The following LRBA variants were observed in gnomAD, a reference collection of about 807,000 sequenced individuals.
The protein encoded by LRBA is lipopolysaccharide-responsive and beige-like anchor protein.
A neutral mutation model predicts 330.0 loss-of-function variants in LRBA; 176 were observed. The ratio of observed to expected loss-of-function variants is 0.53; its 90% CI spans 0.47 to 0.60. The LOEUF (loss-of-function observed/expected upper bound fraction) is 0.60, where lower values mean the gene tolerates loss of function less well. Ranked by LOEUF, LRBA falls within the 20% of genes least tolerant of loss-of-function variation. The pLI is 0.00. For synonymous variants in LRBA, 1,230 were observed against 1,193.0 expected (o/e 1.03, Z -0.64); for missense variants, 3,259 against 3,444.8 (o/e 0.95, Z 1.35).
intron 40 of LRBA, among the ~76,000 whole-genome samples, chr4:150,519,219 T>C (rs1581563715): frequency 1.3e-5 from 2 of 152,122 alleles, no homozygotes; most frequent in African/African-American, 4.8e-5. Context: ...ACTTAAAATT[T>C]TATTAAGGTA....
At chr4:150,543,875 A>T (rs994542793) in intron 40 of LRBA, among the ~76,000 whole-genome samples, 2 of 152,140 alleles carry the variant, frequency 1.3e-5, no homozygotes, top group East Asian at 3.8e-4. Flanking sequence ...AATATATTTT[A>T]TATATATTAA....
intron 40 of LRBA, among the ~76,000 whole-genome samples, chr4:150,523,356 G>T (rs1763127009): frequency 6.6e-6 from 1 of 152,046 alleles, no homozygotes; most frequent in Non-Finnish European, 1.5e-5. Context: ...AAGGGCTGAA[G>T]GTTGAAGGGG....
intron 54 of LRBA, 85 bp from the exon 55 acceptor site, chr4:150,282,731 A>G: frequency 1.1e-6 from 1 of 948,550 alleles, no homozygotes; most frequent in Non-Finnish European, 1.6e-6. Flanking sequence ...ATCAAACAGG[A>G]TTATAGAACC....
At chr4:150,537,612 T>C (rs186334419) in intron 40 of LRBA, among the ~76,000 whole-genome samples, 6 of 152,238 alleles carry the variant, frequency 3.9e-5, no homozygotes, top group East Asian at 3.9e-4. Flanking sequence ...CCAGAATCTA[T>C]AGGAAACTTC....
intron 47 of LRBA, among the ~76,000 whole-genome samples, chr4:150,401,471 C>A (rs1213403667): frequency 6.6e-6 from 1 of 152,080 alleles, no homozygotes; most frequent in East Asian, 1.9e-4. Context: ...AAGAACTTAT[C>A]CATGATGTTA....
In LRBA at chr4:150,906,310, T is replaced by C. The variant is rs1350418744; in HGVS notation, c.1589A>G (p.Tyr530Cys). 2.5e-6 allele frequency: 4 copies of C among 1,591,566 alleles called. No individual in the cohort carries two copies. Among genetic ancestry groups the C allele is most frequent in the African/African-American group, 1.3e-5 (1 of 74,474 alleles). The change falls in exon 12 of 57, where the codon TAT becomes TGT. Residue 530 changes from tyrosine (Y) to cysteine (C), a missense_variant. Physicochemically the swap from Tyr to Cys is radical, Grantham distance 194. Transcript: ENST00000651943. ...LACKGFLVIGYSLEKSSKSHV... is the reference protein window; with the variant it reads ...LACKGFLVIGCSLEKSSKSHV... The stretch of plus-strand genomic sequence containing the variant: ...TTCATACTTTACCTTTTCAAGGCTA[T>C]ATCCTATTACCAAGAAGCCCTTACA...
Position 150,798,187 on chromosome 4 carries a change from A to C in LRBA, c.5519-45T>G, listed in dbSNP as rs1290095331. 3 of 1,246,516 alleles carry C rather than the reference A, an allele frequency of 2.4e-6. No homozygotes were observed. In the Admixed American group the frequency reaches 5.2e-5, roughly 22 times the overall value. The allele number at this position is 1,246,516 out of a possible 1,614,324, so 77.2% of individuals were successfully genotyped here. A position where few individuals can be genotyped will look rare whatever the true frequency, so the allele number is the denominator to read the frequency against. On this transcript the variant is annotated intron_variant, in intron 33 of 56. Transcript: ENST00000651943. The stretch of plus-strand genomic sequence containing the variant: ...AAAAAAGAAGTTATAAAGAAAACAA[A>C]TGAGGATTTGTTACAATTTCATCCA...
At chr4:150,775,452 AACACACACACACACACACAC>A (rs200525703) in intron 34 of LRBA, among the ~76,000 whole-genome samples, 3 of 33,910 alleles carry the variant, frequency 8.8e-5, no homozygotes, top group Non-Finnish European at 1.7e-4. Flanking sequence ...TCTGCAATGG[AACACACACACACACACACAC>A]ACACACACAC....
intron 35 of LRBA, among the ~76,000 whole-genome samples, chr4:150,737,530 A>AAAGAC (rs1418908201): frequency 6.6e-6 from 1 of 151,814 alleles, no homozygotes; most frequent in Admixed American, 6.6e-5. Flanking sequence ...AGAAAAAAGA[A>AAAGAC]AAGAAAAGAA....
chr4:150,410,477 A>G lies in LRBA; in HGVS notation c.7194+4961T>C, dbSNP rs117155799. On this transcript the variant is annotated intron_variant, in intron 47 of 56. Coordinates refer to ENST00000651943, the MANE Select transcript of LRBA (RefSeq NM_001364905.1). ...TTCTTTACCTTGTTAAGTGAGTACTATTTGTGTCACCATTATGAAATAGTA... is the reference window on the plus strand; with the variant it reads ...TTCTTTACCTTGTTAAGTGAGTACTGTTTGTGTCACCATTATGAAATAGTA... 2.6e-5 allele frequency among the ~76,000 whole-genome samples: 4 copies of G among 152,248 alleles called. No individual in the cohort carries two copies. In the East Asian group the frequency reaches 7.7e-4, roughly 29 times the overall value.
At chr4:150,275,967 A>G (rs1746710335) in intron 56 of LRBA, among the ~76,000 whole-genome samples, 1 of 152,244 alleles carries the variant, frequency 6.6e-6, no homozygotes, top group African/African-American at 2.4e-5. Context: ...AAGAGCCTGT[A>G]TAGCCAAGAC....
intron 2 of LRBA, among the ~76,000 whole-genome samples, chr4:150,940,745 TGA>T (rs1465380758): frequency 6.6e-6 from 1 of 152,140 alleles, no homozygotes; most frequent in African/African-American, 2.4e-5. Flanking sequence ...ATCTGTCTGT[TGA>T]GTTAATTTCT....
At chr4:150,650,736 T>C (rs1779627831) in intron 37 of LRBA, among the ~76,000 whole-genome samples, 1 of 152,102 alleles carries the variant, frequency 6.6e-6, no homozygotes, top group African/African-American at 2.4e-5. Flanking sequence ...TGAAATTAAC[T>C]GCCATGAATG....
chr4:150,661,209 A>G (rs1029950935), intron 37 of LRBA, among the ~76,000 whole-genome samples: 40 of 151,946 alleles, frequency 2.6e-4, no homozygotes, highest in Admixed American at 7.9e-4. Context: ...GGTGGCTCAC[A>G]CCTGTAATCC....
At chr4:150,820,822 C>T (rs1484550172) in intron 30 of LRBA, among the ~76,000 whole-genome samples, 2 of 152,012 alleles carry the variant, frequency 1.3e-5, no homozygotes, top group Non-Finnish European at 2.9e-5. Flanking sequence ...TTTAACCTAT[C>T]GTGTTTATGT....
rs1753299381 is a variant in LRBA, at chr4:150,870,541, C to T, written c.2433G>A (p.Val811=). ...HKQHPDPDSS[V]KIQNPQILKV... The stretch of plus-strand genomic sequence containing the variant: ...AATACATACGAGGGTTTTGTATCTT[C>T]ACTGAAGAATCAGGATCTGGATGCT... Residue 811 remains valine, a synonymous_variant, in exon 20 of 57, where the codon GTG becomes GTA. Coordinates refer to ENST00000651943, the MANE Select transcript of LRBA (RefSeq NM_001364905.1). 1.9e-6 allele frequency: 3 copies of T among 1,585,390 alleles called. No individual in the cohort carries two copies. The South Asian group carries it at 3.3e-5, about 18-fold the overall frequency.
At position 150,691,613 on chromosome 4, in the gene LRBA, C is replaced by T. The variant is rs541157030; in HGVS notation, c.5755-7896G>A. On this transcript the variant is annotated intron_variant, in intron 36 of 56. Transcript: ENST00000651943. ...TACCTTGGTGGTTGAATTGTAAAGT[C>T]GTCAACTACTTTGGAAAATAGTTTG... Among the ~76,000 whole-genome samples the T allele has an allele frequency of 3.0e-4, 46 of 152,270 alleles. 1 individual carries two copies. The highest frequency in any genetic ancestry group is 1.9e-3 in the Admixed American group (29 of 15,302).
intron 2 of LRBA, among the ~76,000 whole-genome samples, chr4:150,985,858 T>C (rs1741407366): frequency 6.6e-6 from 1 of 152,166 alleles, no homozygotes; most frequent in South Asian, 2.1e-4. Flanking sequence ...AAAAATAAAA[T>C]ACCTAAGAAT....
chr4:150,279,488 C>G (rs993960503), intron 55 of LRBA, among the ~76,000 whole-genome samples: 1 of 152,190 alleles, frequency 6.6e-6, no homozygotes. Flanking sequence ...AAGAAAAAAA[C>G]CTAATTTCTG....
Sources: allele counts gnomAD v4.1 joint callset (sites outside exome capture counted in the v4.1 genomes callset), GRCh38; gene constraint gnomAD v4.1.1; transcripts MANE v1.5; gene names NCBI Gene and HGNC (gene_info 2026-07-23, HGNC 2026-07-21).